Variants in OTOGL observed in about 807,000 individuals in gnomAD.
OTOGL encodes otogelin like, also known as otogelin-like protein.
Under a neutral mutation model 318.5 loss-of-function variants are expected in OTOGL, and 285 were observed. The ratio of observed to expected loss-of-function variants is 0.89; its 90% CI spans 0.81 to 0.99. OTOGL has a LOEUF of 0.99. Among genes scored for constraint, OTOGL ranks in the 50% least tolerant of loss-of-function variants. OTOGL has a pLI of 0.00. For synonymous variants in OTOGL, 987 were observed against 936.5 expected (o/e 1.05, Z -0.99); for missense variants, 2,899 against 2,845.6 (o/e 1.02, Z -0.43).
At chr12:80,282,026 A>T (rs1185515928) in intron 26 of OTOGL, among the ~76,000 whole-genome samples, 1 of 151,680 alleles carries the variant, frequency 6.6e-6, no homozygotes, top group East Asian at 1.9e-4. Context: ...GCTTTGGTAA[A>T]CTCCAGGCTT....
intron 57 of OTOGL, among the ~76,000 whole-genome samples, chr12:80,373,776 T>C (rs1466378578): frequency 6.6e-6 from 1 of 151,916 alleles, no homozygotes; most frequent in Admixed American, 6.6e-5. Context: ...AAATAATTTG[T>C]CCAAGTCATA....
chr12:80,128,423 G>A (rs1049621836), intron 1 of OTOGL, among the ~76,000 whole-genome samples: 2 of 152,182 alleles, frequency 1.3e-5, no homozygotes, highest in Admixed American at 1.3e-4. Context: ...AGGAGTACCC[G>A]GCTATGTGAG....
At chr12:80,105,137 G>A (rs1565861946) in intron 1 of OTOGL, among the ~76,000 whole-genome samples, 1 of 151,858 alleles carries the variant, frequency 6.6e-6, no homozygotes. Flanking sequence ...CTGAAATTAA[G>A]AAAGTATGCT....
At chr12:80,259,691 G>A (rs1478305158) in intron 18 of OTOGL, among the ~76,000 whole-genome samples, 1 of 151,940 alleles carries the variant, frequency 6.6e-6, no homozygotes, top group Admixed American at 6.6e-5. Flanking sequence ...CTTCATCTAC[G>A]TCCCTGCAAA....
Position 80,251,796 on chromosome 12 carries a change from T to A in OTOGL, c.1156T>A (p.Cys386Ser). ...AGACTGGAGAGATGACTTTCCAGCA[T>A]GCAGTATGTTTTTTTATTTTCCAAG... is the stretch of plus-strand genomic sequence containing the variant. ...IQDWRDDFPA[C>S]TDKCDDSFVH... Residue 386 changes from cysteine (C) to serine (S), a missense_variant, in exon 12 of 59, where the codon TGC becomes AGC. Around this residue, in one of 3 missense-constraint regions of OTOGL, gnomAD observed 2,607 missense variants for 2,524.9 expected, o/e 1.03. Transcript: ENST00000547103. 6.4e-7 allele frequency: 1 copy of A among 1,566,786 alleles called. No homozygotes were observed. The highest frequency in any genetic ancestry group is 1.2e-5 in the South Asian group (1 of 85,088).
intron 1 of OTOGL, among the ~76,000 whole-genome samples, chr12:80,170,213 GTATGTATGTGTGTGTGTGTA>G (rs1874106671): frequency 8.6e-6 from 1 of 116,862 alleles, no homozygotes; most frequent in African/African-American, 4.6e-5. Context: ...GTGTGTGTGT[GTATGTATGTGTGTGTGTGTA>G]TGTATGTATG....
intron 1 of OTOGL, among the ~76,000 whole-genome samples, chr12:80,151,834 A>G (rs757885314): frequency 4.6e-5 from 7 of 152,250 alleles, no homozygotes; most frequent in Non-Finnish European, 5.9e-5. Flanking sequence ...TTTAAAAGTT[A>G]CAATGAATCA....
chr12:80,239,617 A>G (rs1022369355), intron 11 of OTOGL, among the ~76,000 whole-genome samples, 178 bp downstream of exon 11: 1 of 152,126 alleles, frequency 6.6e-6, no homozygotes, highest in African/African-American at 2.4e-5. Flanking sequence ...AATTTTTTTT[A>G]TTGATACATA....
intron 50 of OTOGL, 64 bp downstream of exon 50, chr12:80,358,413 T>C (rs887797533): frequency 7.7e-7 from 1 of 1,299,500 alleles, no homozygotes; most frequent in African/African-American, 1.5e-5. Context: ...GCCCAGTGCA[T>C]CTTAGTTGGC....
At chr12:80,272,729 T>G (rs767941723) in intron 24 of OTOGL, among the ~76,000 whole-genome samples, 2 of 152,056 alleles carry the variant, frequency 1.3e-5, no homozygotes, top group Non-Finnish European at 2.9e-5. Context: ...GAGAATCGCA[T>G]TTGTCTAAAT....
chr12:80,206,916 A>G (rs1876852404), intron 1 of OTOGL, among the ~76,000 whole-genome samples: 1 of 151,808 alleles, frequency 6.6e-6, no homozygotes, highest in Admixed American at 6.5e-5. Flanking sequence ...TTTCAACTTT[A>G]TTCAGTGAAA....
chr12:80,162,447 C>G (rs1016977068), intron 1 of OTOGL, among the ~76,000 whole-genome samples: 1 of 152,090 alleles, frequency 6.6e-6, no homozygotes, highest in Non-Finnish European at 1.5e-5. Flanking sequence ...TATTAGTTCA[C>G]TAGGGCTGCC....
intron 34 of OTOGL, among the ~76,000 whole-genome samples, chr12:80,321,320 G>A (rs1887317737): frequency 6.6e-6 from 1 of 152,070 alleles, no homozygotes. Flanking sequence ...TATCTATCTT[G>A]AGTCTCCTCA....
chr12:80,179,773 A>C (rs569676330), intron 1 of OTOGL, among the ~76,000 whole-genome samples: 1 of 152,306 alleles, frequency 6.6e-6, no homozygotes, highest in East Asian at 1.9e-4. Flanking sequence ...CCTGTCCTTG[A>C]CTTGGGACAT....
At chr12:80,167,595 TTTTC>T (rs1198513505) in intron 1 of OTOGL, among the ~76,000 whole-genome samples, 2 of 152,166 alleles carry the variant, frequency 1.3e-5, no homozygotes, top group Non-Finnish European at 2.9e-5. Flanking sequence ...ATTTTAATTT[TTTTC>T]TTCTAGGAAT....
At chr12:80,313,685 T>C (rs1204473793) in intron 31 of OTOGL, 53 bp downstream of exon 31, 16 of 1,407,408 alleles carry the variant, frequency 1.1e-5, no homozygotes, top group Non-Finnish European at 1.5e-5. Context: ...AAGAGATACA[T>C]ATTAATTGTT....
chr12:80,147,150 A>G (rs983551836), intron 1 of OTOGL, among the ~76,000 whole-genome samples: 2 of 151,692 alleles, frequency 1.3e-5, no homozygotes, highest in Admixed American at 6.6e-5. Context: ...TGATGTTAGG[A>G]TGTCAATTTT....
intron 1 of OTOGL, among the ~76,000 whole-genome samples, chr12:80,198,899 G>A (rs1311299155): frequency 6.6e-6 from 1 of 152,122 alleles, no homozygotes; most frequent in Admixed American, 6.5e-5. Flanking sequence ...GTGAACTACA[G>A]TGGTTTCCTG....
intron 35 of OTOGL, among the ~76,000 whole-genome samples, chr12:80,326,906 C>T (rs774266201): frequency 7.9e-5 from 12 of 152,198 alleles, no homozygotes; most frequent in African/African-American, 2.2e-4. Context: ...CCTTTAGTGC[C>T]GAGTTAGTTT....
Sources: allele counts gnomAD v4.1 joint callset (sites outside exome capture counted in the v4.1 genomes callset), GRCh38; gene constraint gnomAD v4.1.1; regional missense constraint gnomAD v4.1.1; transcripts MANE v1.5; gene names NCBI Gene and HGNC (gene_info 2026-07-23, HGNC 2026-07-21).